The following SUCO variants were observed in gnomAD, a reference collection of about 807,000 sequenced individuals.
SUCO encodes the protein SUN domain-containing ossification factor.
In SUCO, 57 loss-of-function variants were observed where a neutral mutation model predicts 148.1. The ratio of observed to expected loss-of-function variants is 0.38; its 90% confidence interval spans 0.31 to 0.48. The LOEUF (loss-of-function observed/expected upper bound fraction) is 0.48, where lower values mean the gene tolerates loss of function less well. Among genes scored for constraint, SUCO ranks in the 20% least tolerant of loss-of-function variants. SUCO has a pLI of 0.96. For synonymous variants in SUCO, 470 were observed against 502.7 expected (o/e 0.93, Z 0.87); for missense variants, 1,331 against 1,468.2 (o/e 0.91, Z 1.53).
intron 19 of SUCO, among the ~76,000 whole-genome samples, chr1:172,594,241 AT>A (rs201134091): frequency 0.24 from 34,066 of 144,812 alleles, 3,950 homozygotes; most frequent in South Asian, 0.38. Context: ...GAATTTATTG[AT>A]TTTTTTTTTT....
chr1:172,610,030 G>C lies in SUCO; in HGVS notation c.3536G>C (p.Cys1179Ser), dbSNP rs202099419. The C allele has an allele frequency of 6.2e-7, 1 of 1,613,928 alleles. No individual in the cohort carries two copies. Among genetic ancestry groups the C allele is most frequent in the East Asian group, 2.2e-5 (1 of 44,878 alleles). ...TCACAGTCAGAAGAGTCCTATTTTT[G>C]TGGCATTTCAGCTTGCACAAGTCTG... ...TSSQSEESYF[C>S]GISACTSLCN... Residue 1179 changes from cysteine (C) to serine (S), a missense_variant, in exon 24 of 24, where the codon TGT becomes TCT. This residue lies in a region of SUCO where 334 missense variants were observed against 352.3 expected (regional missense o/e 0.95). Transcript: ENST00000263688.
At chr1:172,577,964 A>G (rs1655578853) in intron 13 of SUCO, 145 bp downstream of exon 13, 1 of 616,802 alleles carries the variant, frequency 1.6e-6, no homozygotes, top group Admixed American at 3.4e-5. Flanking sequence ...TTTTGAATGC[A>G]TTTTGGAAAA....
At chr1:172,541,500 TAAG>T (rs1481733135) in intron 1 of SUCO, among the ~76,000 whole-genome samples, 6 of 152,210 alleles carry the variant, frequency 3.9e-5, no homozygotes, top group African/African-American at 2.4e-5. Context: ...AGGCTTGTCA[TAAG>T]AAGGACTTCA....
chr1:172,546,976 C>T (rs1330112691), intron 1 of SUCO, among the ~76,000 whole-genome samples: 1 of 152,176 alleles, frequency 6.6e-6, no homozygotes, highest in Non-Finnish European at 1.5e-5. Context: ...TTGACACATG[C>T]ATACACCTGT....
chr1:172,595,001 CTCT>C lies in SUCO; in HGVS notation c.2913+3935_2913+3937del, dbSNP rs139699178. Among the ~76,000 whole-genome samples the C allele has an allele frequency of 8.2e-3, 1,247 of 152,308 alleles. 17 individuals are homozygous for C. Among genetic ancestry groups the C allele is most frequent in the African/African-American group, 0.028 (1,182 of 41,548 alleles). Reference sequence around the variant, plus strand: ...GCATATATGTATTTAGGATGGTTAGCTCTTCTTGTTGAATTGATCCCTTTACCA... The same window carrying C: ...GCATATATGTATTTAGGATGGTTAGCTCTTGTTGAATTGATCCCTTTACCA... On this transcript the variant is annotated intron_variant, in intron 19 of 23. Transcript: ENST00000263688.
intron 9 of SUCO, among the ~76,000 whole-genome samples, chr1:172,573,173 C>T (rs945740360): frequency 2.6e-5 from 4 of 152,174 alleles, no homozygotes; most frequent in African/African-American, 9.6e-5. Context: ...CAAACATATC[C>T]ATCATTCCCA....
At chr1:172,599,484 C>T (rs1169914807) in intron 19 of SUCO, 11 of 696,610 alleles carry the variant, frequency 1.6e-5, no homozygotes, top group Non-Finnish European at 1.6e-5. Context: ...TCAGTGCTGC[C>T]TAAAACAGAT....
rs556770163 is a variant in SUCO, at chr1:172,594,156, C to T, written c.2913+3085C>T. On this transcript the variant is annotated intron_variant, in intron 19 of 23. Coordinates refer to ENST00000263688, the MANE Select transcript of SUCO (RefSeq NM_014283.5). ...TCAATTTTTTTGCATCTATTTTTTT[C>T]TTCTCTCTTTTCTTCTTTATTAGTC... 2.6e-3 allele frequency among the ~76,000 whole-genome samples: 394 copies of T among 151,092 alleles called. 1 individual carries two copies. Among genetic ancestry groups the T allele is most frequent in the African/African-American group, 9.1e-3 (374 of 41,190 alleles).
At chr1:172,605,446 C>G (rs975286020) in intron 22 of SUCO, among the ~76,000 whole-genome samples, 6 of 151,588 alleles carry the variant, frequency 4.0e-5, no homozygotes, top group Admixed American at 3.3e-4. Context: ...GTCTTTGCAC[C>G]CTTCTTAAAA....
intron 19 of SUCO, among the ~76,000 whole-genome samples, chr1:172,597,986 T>C (rs1357166921): frequency 1.3e-5 from 2 of 152,254 alleles, no homozygotes; most frequent in Non-Finnish European, 2.9e-5. Context: ...CAGTTTTCTC[T>C]TTGCTCTATG....
chr1:172,559,707 G>T (rs1286480380), intron 6 of SUCO, among the ~76,000 whole-genome samples: 1 of 152,176 alleles, frequency 6.6e-6, no homozygotes, highest in East Asian at 1.9e-4. Context: ...TAGGGAAAAG[G>T]TGGTAACTTC....
chr1:172,605,967 A>T (rs1558217037), intron 22 of SUCO, among the ~76,000 whole-genome samples: 1 of 151,520 alleles, frequency 6.6e-6, no homozygotes, highest in Non-Finnish European at 1.5e-5. Flanking sequence ...GTATTTTGTC[A>T]TTATGTGTTA....
At chr1:172,577,848 G>A (rs777158326) in intron 13 of SUCO, 29 bp downstream of exon 13, 1 of 1,550,830 alleles carries the variant, frequency 6.4e-7, no homozygotes, top group Non-Finnish European at 8.8e-7. Context: ...CATTTATTGA[G>A]TTTTTAAAAA....
intron 20 of SUCO, 94 bp downstream of exon 20, chr1:172,600,262 T>C (rs1657414606): frequency 3.4e-6 from 3 of 876,202 alleles, no homozygotes; most frequent in Non-Finnish European, 5.2e-6. Context: ...CCTAAAACTT[T>C]GACCAAACAA....
rs775882516 is a variant in SUCO at position 172,610,292 on chromosome 1, T to C, written c.*33T>C. ...TGAACTTTTCATACAGAAGACTTTT[T>C]TGTTGTTGTTCTTTGAAGAACAGTC... On this transcript the variant is annotated 3_prime_UTR_variant, in exon 24 of 24. Transcript: ENST00000263688. 9 of 1,538,870 alleles carry C rather than the reference T, an allele frequency of 5.8e-6. No homozygotes were observed. Among genetic ancestry groups the C allele is most frequent in the Non-Finnish European group, 7.8e-6 (9 of 1,148,082 alleles).
chr1:172,608,931 A>G, intron 23 of SUCO, 129 bp downstream of exon 23: 1 of 696,532 alleles, frequency 1.4e-6, no homozygotes, highest in Non-Finnish European at 2.4e-6. Context: ...TATCATGATA[A>G]TGTTGTAAAT....
intron 9 of SUCO, among the ~76,000 whole-genome samples, chr1:172,573,148 C>T (rs1181054565): frequency 1.3e-5 from 2 of 152,122 alleles, no homozygotes; most frequent in African/African-American, 2.4e-5. Context: ...GAAGCCATCA[C>T]CACAATAAAG....
intron 22 of SUCO, chr1:172,608,337 A>G (rs909629867): frequency 9.8e-5 from 17 of 173,896 alleles, no homozygotes; most frequent in Admixed American, 8.9e-4. Context: ...TACCTTTGTG[A>G]CACAGTTTAG....
chr1:172,603,063 G>A (rs1657636991), intron 22 of SUCO: 1 of 300,364 alleles, frequency 3.3e-6, no homozygotes, highest in East Asian at 6.5e-5. Context: ...TTTTTAGAAA[G>A]GGATGTTTGA....
Sources: gnomAD v4.1 joint callset for allele counts (sites outside exome capture counted in the v4.1 genomes callset) on GRCh38, gnomAD v4.1.1 for gene constraint, gnomAD v4.1.1 regional missense constraint, MANE v1.5 for transcripts, NCBI Gene and HGNC (gene_info 2026-07-23, HGNC 2026-07-21) for gene names.